SQSTM1: variants seen among roughly 807,000 people sequenced by gnomAD.
The protein encoded by SQSTM1 is sequestosome-1.
A neutral mutation model predicts 45.1 loss-of-function variants in SQSTM1; 36 were observed. That is an observed-to-expected ratio of 0.80 (90% confidence interval 0.61 to 1.05). The LOEUF (loss-of-function observed/expected upper bound fraction) is 1.05. Ranked by LOEUF, SQSTM1 falls within the 50% of genes least tolerant of loss-of-function variation. The pLI is 0.00. For synonymous variants in SQSTM1, 290 were observed against 244.3 expected (o/e 1.19, Z -1.74); for missense variants, 617 against 607.1 (o/e 1.02, Z -0.17).
At position 179,833,047 on chromosome 5, in the gene SQSTM1, T is replaced by A. The variant is rs745788957; in HGVS notation, c.770T>A (p.Ile257Asn). The A allele has an allele frequency of 6.2e-7, 1 of 1,614,110 alleles. No homozygotes were observed. ...CCGCCTCTAGGCATTGAAGTTGATA[T>A]CGATGTGGAGCACGGAGGGAAAAGA... ...ALSPLGIEVD[I>N]DVEHGGKRSR... is the part of the protein sequence containing the mutation. Residue 257 changes from isoleucine to asparagine, a missense_variant, in exon 6 of 8, where the codon ATC (isoleucine) becomes AAC (asparagine). Ile to Asn is a moderately radical substitution (Grantham distance 149). Transcript: ENST00000389805.
upstream of SQSTM1, among the ~76,000 whole-genome samples, chr5:179,817,346 C>G (rs910203142): frequency 4.6e-5 from 7 of 152,330 alleles, no homozygotes; most frequent in East Asian, 1.9e-4. Context: ...ATCCCTCCCC[C>G]CTTTTCCCCA....
At chr5:179,819,767 G>A (rs139070956), upstream of SQSTM1, among the ~76,000 whole-genome samples, 1 of 152,344 alleles carries the variant, frequency 6.6e-6, no homozygotes, top group Non-Finnish European at 1.5e-5. Flanking sequence ...TGGGCAGGGT[G>A]GAAGCCTTGC....
In SQSTM1 at chr5:179,836,759, G is replaced by C. The variant is rs1030474241; in HGVS notation, c.*166G>C. 4.8e-6 allele frequency: 5 copies of C among 1,035,082 alleles called. No individual in the cohort carries two copies. The highest frequency in any genetic ancestry group is 7.4e-6 in the Non-Finnish European group (5 of 678,904). The allele number at this position is 1,035,082 out of a possible 1,614,324, so 64.1% of individuals were successfully genotyped here. On this transcript the variant is annotated 3_prime_UTR_variant, in exon 8 of 8. Transcript: ENST00000389805. Reference sequence around the variant, plus strand: ...GGCAGCAAAACAAGTGACATGAAGGGAGGGTCCCTGTGTGTGTGTGTGCTG... The same window carrying C: ...GGCAGCAAAACAAGTGACATGAAGGCAGGGTCCCTGTGTGTGTGTGTGCTG...
rs771972545 is a variant in SQSTM1 at position 179,825,235 on chromosome 5, A to T, written c.754+9A>T. On this transcript the variant is annotated intron_variant, in intron 5 of 7. Coordinates refer to ENST00000389805, the MANE Select transcript of SQSTM1 (RefSeq NM_003900.5). ...TGCCCTTAGCCCTCTGGGTGAGTGC[A>T]CCTCCTTGCCCAGTGCTTCCCTAAC... 5 of 1,611,400 alleles carry T rather than the reference A, an allele frequency of 3.1e-6. No individual in the cohort carries two copies. Among genetic ancestry groups the T allele is most frequent in the Non-Finnish European group, 4.2e-6 (5 of 1,178,166 alleles).
intron 7 of SQSTM1, among the ~76,000 whole-genome samples, chr5:179,834,161 G>GT (rs914351703): frequency 1.4e-5 from 2 of 145,442 alleles, no homozygotes; most frequent in Admixed American, 7.0e-5. Flanking sequence ...CTGAGAGGGG[G>GT]GGGGGTCATA....
chr5:179,836,249 TG>T, intron 7 of SQSTM1, 186 bp from the exon 8 acceptor site: 1 of 733,284 alleles, frequency 1.4e-6, no homozygotes, highest in East Asian at 2.5e-5. Context: ...AGTTGAGCAG[TG>T]TGAAAAAGAC....
upstream of SQSTM1, among the ~76,000 whole-genome samples, chr5:179,816,950 C>T (rs1019188883): frequency 1.3e-5 from 2 of 152,174 alleles, no homozygotes; most frequent in African/African-American, 4.8e-5. Context: ...CCTCTCAGCC[C>T]CTCCCGCCGG....
chr5:179,824,163 C>T lies in SQSTM1; in HGVS notation c.532-19C>T, dbSNP rs368559255. ...CTTGACCCGCTCACTGCCTGCCGCT[C>T]TGCTAATTCCTCCCCCAGGGCTTCT... On this transcript the variant is annotated intron_variant, in intron 3 of 7. Coordinates refer to ENST00000389805, the MANE Select transcript of SQSTM1 (RefSeq NM_003900.5). 36 of 1,613,596 alleles carry T rather than the reference C, an allele frequency of 2.2e-5. No individual in the cohort carries two copies. The highest frequency in any genetic ancestry group is 3.3e-4 in the Middle Eastern group (2 of 6,084).
intron 4 of SQSTM1, among the ~76,000 whole-genome samples, 164 bp from the exon 5 acceptor site, chr5:179,824,982 C>T (rs1459307332): frequency 1.3e-5 from 2 of 151,160 alleles, no homozygotes; most frequent in African/African-American, 4.9e-5. Flanking sequence ...CCAGGGGGTG[C>T]AGAGTGGGAG....
Position 179,837,175 on chromosome 5 carries a change from C to CTTT in SQSTM1, c.*584_*586dup. ...TCTCTCATTTCCAAACCATCAGCTG[C>CTTT]TTTTAAAATAAGATCTCTTTGTAGC... On this transcript the variant is annotated 3_prime_UTR_variant, in exon 8 of 8. Transcript: ENST00000389805. 1 of 1,504,800 alleles carries CTTT rather than the reference C, an allele frequency of 6.6e-7. No individual in the cohort carries two copies. The highest frequency in any genetic ancestry group is 1.4e-5 in the African/African-American group (1 of 72,614). 93.2% of individuals were successfully genotyped at this position (1,504,800 alleles called of 1,614,324 possible).
intron 1 of SQSTM1, chr5:179,808,530 C>G (rs1448007059): frequency 6.6e-6 from 1 of 152,196 alleles, no homozygotes; most frequent in Non-Finnish European, 1.5e-5. Flanking sequence ...AACTTAGTCA[C>G]CCAGAGGCCG....
At position 179,833,037 on chromosome 5, in the gene SQSTM1, G is replaced by T; in HGVS notation, c.760G>T (p.Glu254Ter). Residue 254 changes from glutamate (E) to a stop codon, truncating the protein, a stop_gained, in exon 6 of 8, where the codon GAA (glutamate) becomes TAA (stop). Coordinates refer to ENST00000389805, the MANE Select transcript of SQSTM1 (RefSeq NM_003900.5). LOFTEE classifies it high-confidence loss of function. ...CTTTCCTCCTCCGCCTCTAGGCATT[G>T]AAGTTGATATCGATGTGGAGCACGG... ...VAAALSPLGI[E>*]VDIDVEHGGK... 1 of 1,614,180 alleles carries T rather than the reference G, an allele frequency of 6.2e-7. No individual in the cohort carries two copies. The highest frequency in any genetic ancestry group is 8.5e-7 in the Non-Finnish European group (1 of 1,180,026).
At chr5:179,816,637 C>A (rs948843806), upstream of SQSTM1, among the ~76,000 whole-genome samples, 1 of 152,258 alleles carries the variant, frequency 6.6e-6, no homozygotes, top group African/African-American at 2.4e-5. Context: ...ACCTCTCCCC[C>A]ACCTCGCTCC....
At chr5:179,825,030 A>T (rs1001552428) in intron 4 of SQSTM1, 116 bp from the exon 5 acceptor site, 2 of 987,164 alleles carry the variant, frequency 2.0e-6, no homozygotes, top group Non-Finnish European at 3.2e-6. Context: ...ACTGGACAAG[A>T]TGTCCGGGTT....
At position 179,833,083 on chromosome 5, in the gene SQSTM1, C is replaced by T. The variant is rs185313167; in HGVS notation, c.806C>T (p.Thr269Ile). ...CACGGAGGGAAAAGAAGCCGCCTGA[C>T]CCCCGTCTCTCCAGAGAGTTCCAGC... The part of the protein sequence containing the change: ...VEHGGKRSRL[T>I]PVSPESSSTE... Residue 269 changes from threonine to isoleucine, a missense_variant, in exon 6 of 8, where the codon ACC (threonine) becomes ATC (isoleucine). Physicochemically the swap from Thr to Ile is moderately conservative, Grantham distance 89. Transcript: ENST00000389805. The T allele has an allele frequency of 4.3e-6, 7 of 1,614,210 alleles. No homozygotes were observed. The Admixed American group carries it at 5.0e-5, about 12-fold the overall frequency.
chr5:179,812,085 T>G (rs559788984), intron 2 of SQSTM1: 1 of 152,338 alleles, frequency 6.6e-6, no homozygotes, highest in Non-Finnish European at 1.5e-5. Flanking sequence ...ATTACAGGCG[T>G]GAGCCACCGC....
Position 179,824,249 on chromosome 5 carries a change from T to C in SQSTM1, c.599T>C (p.Met200Thr), listed in dbSNP as rs578084747. 4 of 1,613,792 alleles carry C rather than the reference T, an allele frequency of 2.5e-6. No homozygotes were observed. The African/African-American group carries it at 4.0e-5, about 16-fold the overall frequency. Residue 200 changes from methionine to threonine, a missense_variant, in exon 4 of 8, where the codon ATG becomes ACG. Transcript: ENST00000389805. ...HGHFGWPGWE[M>T]GPPGNWSPRP... is the part of the protein sequence containing the mutation. ...CACTTCGGGTGGCCAGGATGGGAAA[T>C]GGGTCCACCAGGAAACTGGAGCCCA... is the stretch of plus-strand genomic sequence containing the variant.
intron 4 of SQSTM1, 42 bp from the exon 5 acceptor site, chr5:179,825,104 G>C (rs749840126): frequency 6.3e-7 from 1 of 1,585,526 alleles, no homozygotes; most frequent in South Asian, 1.1e-5. Flanking sequence ...AGGTATCCAA[G>C]GCATTAAAGA....
At position 179,834,879 on chromosome 5, in the gene SQSTM1, C is replaced by T. The variant is rs529913656; in HGVS notation, c.1165+1097C>T. On this transcript the variant is annotated intron_variant, in intron 7 of 7. Transcript: ENST00000389805. ...TTCCCCGCTTTCTATTCCACAAAGC[C>T]GCCATTGTCATCATGGCCCGTTCTC... is the stretch of plus-strand genomic sequence containing the variant. Among the ~76,000 whole-genome samples, 147 of 152,364 alleles carry T rather than the reference C, an allele frequency of 9.6e-4. No individual in the cohort carries two copies. The South Asian group carries it at 0.015, about 15-fold the overall frequency.
Sources: allele counts gnomAD v4.1 joint callset (sites outside exome capture counted in the v4.1 genomes callset), GRCh38; gene constraint gnomAD v4.1.1; transcripts MANE v1.5; gene names NCBI Gene and HGNC (gene_info 2026-07-23, HGNC 2026-07-21).